The following CUX1 variants were observed in gnomAD, a reference collection of about 807,000 sequenced individuals.
CUX1 encodes the protein protein CASP.
In CUX1, 31 loss-of-function variants were observed where a neutral mutation model predicts 158.8. That is an observed-to-expected ratio of 0.20 (90% CI 0.15 to 0.26). CUX1 has a LOEUF of 0.26. Among genes scored for constraint, CUX1 ranks in the 10% least tolerant of loss-of-function variants. CUX1 has a pLI of 1.00. For missense variants in CUX1, 1,589 were observed against 2,014.6 expected (o/e 0.79, Z 4.04); for synonymous variants, 879 against 862.1 (o/e 1.02, Z -0.34).
chr7:102,177,051 A>G (rs562958471), intron 10 of CUX1, among the ~76,000 whole-genome samples: 8 of 151,864 alleles, frequency 5.3e-5, no homozygotes, highest in African/African-American at 1.7e-4. Context: ...TTTCACATCA[A>G]TTATCCTAAG....
At chr7:102,232,699 CT>C (rs1398552897) in intron 21 of CUX1, among the ~76,000 whole-genome samples, 2 of 152,230 alleles carry the variant, frequency 1.3e-5, no homozygotes, top group East Asian at 3.8e-4. Flanking sequence ...AGAAGTGAGC[CT>C]TTCTTTCTAA....
In CUX1 at chr7:102,008,353, AGCCCCCCCACCTCTACTC is replaced by A. The variant is rs1303472973; in HGVS notation, c.142-19739_142-19722del. ...GTTTGTATCTTGTCTCTTTCTAGAA[AGCCCCCCCACCTCTACTC>A]GCCCCTCTGTGGCAAATATCACCCA... is the stretch of plus-strand genomic sequence containing the variant. On this transcript the variant is annotated intron_variant, in intron 2 of 23. Coordinates refer to ENST00000292535, the MANE Select transcript of CUX1 (RefSeq NM_181552.4). Among the ~76,000 whole-genome samples the A allele has an allele frequency of 6.6e-5, 10 of 151,624 alleles. No individual in the cohort carries two copies. In the East Asian group the frequency reaches 1.9e-3, roughly 29 times the overall value.
At chr7:102,280,722 C>G (rs1791999730) in intron 19 of CUX1, 1 of 1,442,788 alleles carries the variant, frequency 6.9e-7, no homozygotes, top group Non-Finnish European at 9.6e-7. Flanking sequence ...TGTCCTGTGG[C>G]TGGCCAGGCC....
chr7:102,005,973 T>C (rs1817318291), intron 2 of CUX1, among the ~76,000 whole-genome samples: 1 of 152,178 alleles, frequency 6.6e-6, no homozygotes, highest in Non-Finnish European at 1.5e-5. Context: ...TGGATGAGGT[T>C]GGCCAGAGAA....
chr7:102,235,278 G>T (rs572069188), intron 22 of CUX1, among the ~76,000 whole-genome samples: 152 of 152,338 alleles, frequency 1.0e-3, no homozygotes, highest in Admixed American at 6.0e-3. Context: ...CACCTATGGT[G>T]CTGGGAGCTC....
At chr7:102,243,873 C>T (rs575117187) in intron 23 of CUX1, among the ~76,000 whole-genome samples, 7 of 151,622 alleles carry the variant, frequency 4.6e-5, no homozygotes, top group South Asian at 4.2e-4. Context: ...ACTAAAAATA[C>T]AAAATTAGCC....
At chr7:101,913,927 T>C (rs1313682860) in intron 1 of CUX1, among the ~76,000 whole-genome samples, 1 of 152,204 alleles carries the variant, frequency 6.6e-6, no homozygotes, top group East Asian at 1.9e-4. Flanking sequence ...CGGCTGCTGC[T>C]GCTTAAATAT....
At chr7:101,839,335 G>A (rs965548500) in intron 1 of CUX1, among the ~76,000 whole-genome samples, 9 of 151,802 alleles carry the variant, frequency 5.9e-5, no homozygotes, top group Non-Finnish European at 1.2e-4. Context: ...TGCTAGGAAC[G>A]TTCTTACACA....
At chr7:102,060,922 T>TG in intron 3 of CUX1, among the ~76,000 whole-genome samples, 1 of 139,614 alleles carries the variant, frequency 7.2e-6, no homozygotes, top group East Asian at 2.0e-4. Flanking sequence ...TTTTTTTTTT[T>TG]TTTTTTTTTT....
At chr7:102,097,257 G>A in intron 4 of CUX1, 107 bp from the exon 5 acceptor site, 1 of 1,335,426 alleles carries the variant, frequency 7.5e-7, no homozygotes, top group Non-Finnish European at 1.0e-6. Context: ...CCTCTGGGGA[G>A]CCCCCGGAGC....
intron 2 of CUX1, among the ~76,000 whole-genome samples, chr7:101,996,356 C>G (rs1815890238): frequency 6.6e-6 from 1 of 151,626 alleles, no homozygotes; most frequent in African/African-American, 2.4e-5. Flanking sequence ...GCTCAGCTGG[C>G]TATCCTGGAA....
In CUX1 at chr7:102,253,934, C is replaced by A; in HGVS notation, c.*4892C>A. On this transcript the variant is annotated 3_prime_UTR_variant, in exon 24 of 24. Coordinates refer to ENST00000292535, the MANE Select transcript of CUX1 (RefSeq NM_181552.4). Reference sequence around the variant, plus strand: ...TCACACTCCTCATTGTCCCTTCTACCTCACTAACCTGTCTTCTCCATCTGA... The same window carrying A: ...TCACACTCCTCATTGTCCCTTCTACATCACTAACCTGTCTTCTCCATCTGA... 8 of 985,556 alleles carry A rather than the reference C, an allele frequency of 8.1e-6. No individual in the cohort carries two copies. Among genetic ancestry groups the A allele is most frequent in the African/African-American group, 1.7e-5 (1 of 57,346 alleles). The allele number at this position is 985,556 out of a possible 1,614,324, so 61.1% of individuals were successfully genotyped here.
At chr7:102,212,508 T>C (rs1554523438) in intron 20 of CUX1, among the ~76,000 whole-genome samples, 1 of 152,202 alleles carries the variant, frequency 6.6e-6, no homozygotes, top group African/African-American at 2.4e-5. Flanking sequence ...GTCACCGATT[T>C]ATTTGACTTT....
At chr7:101,987,608 C>T (rs1423175278) in intron 2 of CUX1, among the ~76,000 whole-genome samples, 1 of 152,246 alleles carries the variant, frequency 6.6e-6, no homozygotes, top group Admixed American at 6.5e-5. Context: ...GCTGACTCAC[C>T]GCCTGTTCTC....
chr7:101,858,382 G>A (rs1797105486), intron 1 of CUX1, among the ~76,000 whole-genome samples: 1 of 152,134 alleles, frequency 6.6e-6, no homozygotes, highest in Non-Finnish European at 1.5e-5. Flanking sequence ...CAGCTCACAT[G>A]TCCCCTTCTC....
downstream of CUX1, among the ~76,000 whole-genome samples, chr7:102,262,359 C>T (rs1471366709): frequency 1.4e-5 from 2 of 145,140 alleles, no homozygotes; most frequent in Non-Finnish European, 3.0e-5. Context: ...GATACCTCCA[C>T]TGCACTCCAG....
Position 101,916,190 on chromosome 7 carries a change from G to C in CUX1, c.106G>C (p.Glu36Gln). ...TGAGCAGTCCAGAAAGCGGCTTATC[G>C]AACAGAGCCGGGAGTTCAAGAAGAA... Reference protein sequence around the residue: ...ESEQSRKRLIEQSREFKKNTP... With the variant: ...ESEQSRKRLIQQSREFKKNTP... Residue 36 changes from glutamate (E) to glutamine (Q), a missense_variant, in exon 2 of 24, where the codon GAA becomes CAA. By Grantham distance (29) the Glu-to-Gln change is conservative. Around this residue, in one of 8 missense-constraint regions of CUX1, gnomAD observed 63 missense variants for 109.2 expected, o/e 0.58. Coordinates refer to ENST00000292535, the MANE Select transcript of CUX1 (RefSeq NM_181552.4). This position sits in a 1 kb window ranked among gnomAD's most constrained non-coding sequence, Gnocchi z 4.4. 1 of 1,613,830 alleles carries C rather than the reference G, an allele frequency of 6.2e-7. No homozygotes were observed. Among genetic ancestry groups the C allele is most frequent in the Non-Finnish European group, 8.5e-7 (1 of 1,179,818 alleles).
At position 101,869,573 on chromosome 7, in the gene CUX1, G is replaced by A. The variant is rs1326801267; in HGVS notation, c.31-46542G>A. 6.6e-6 allele frequency among the ~76,000 whole-genome samples: 1 copy of A among 152,120 alleles called. No individual in the cohort carries two copies. Among genetic ancestry groups the A allele is most frequent in the Non-Finnish European group, 1.5e-5 (1 of 68,006 alleles). ...CGGGAAGGGAGTGGCTGGTGGGGCG[G>A]GGGAGGGAAACCAGCACGTTAGAAG... On this transcript the variant is annotated intron_variant, in intron 1 of 23. Coordinates refer to ENST00000292535, the MANE Select transcript of CUX1 (RefSeq NM_181552.4). The surrounding 1 kb of genome is among the most constrained non-coding windows in gnomAD (Gnocchi z 4.5).
At chr7:101,979,072 G>A (rs1813086519) in intron 2 of CUX1, among the ~76,000 whole-genome samples, 1 of 152,196 alleles carries the variant, frequency 6.6e-6, no homozygotes, top group Non-Finnish European at 1.5e-5. Context: ...TACCTTTAAA[G>A]CCAAGAGTGT....
Sources: gnomAD v4.1 joint callset for allele counts (sites outside exome capture counted in the v4.1 genomes callset) on GRCh38, gnomAD v4.1.1 for gene constraint, gnomAD v4.1.1 regional missense constraint, Gnocchi (gnomAD v3.1) non-coding constraint, MANE v1.5 for transcripts, NCBI Gene and HGNC (gene_info 2026-07-23, HGNC 2026-07-21) for gene names.